The following NEDD4L variants were observed in gnomAD, a reference collection of about 807,000 sequenced individuals.
NEDD4L encodes NEDD4 like E3 ubiquitin protein ligase, also known as E3 ubiquitin-protein ligase NEDD4-like.
Under a neutral mutation model 148.9 loss-of-function variants are expected in NEDD4L, and 54 were observed. The ratio of observed to expected loss-of-function variants is 0.36; its 90% confidence interval spans 0.29 to 0.45. NEDD4L has a LOEUF of 0.45. Among genes scored for constraint, NEDD4L ranks in the 20% least tolerant of loss-of-function variants. The pLI is 1.00. For synonymous variants in NEDD4L, 433 were observed against 440.7 expected, an observed-to-expected ratio of 0.98 and a Z score of 0.22; for missense variants, 856 against 1,233.8, an observed-to-expected ratio of 0.69 and a Z score of 4.59.
intron 5 of NEDD4L, among the ~76,000 whole-genome samples, chr18:58,301,763 G>A (rs1351589875): frequency 6.6e-6 from 1 of 152,186 alleles, no homozygotes; most frequent in African/African-American, 2.4e-5. Flanking sequence ...CTTAGTTCTA[G>A]CCATTGAAAT....
intron 1 of NEDD4L, among the ~76,000 whole-genome samples, chr18:58,154,752 C>T (rs1205821127): frequency 6.6e-6 from 1 of 152,240 alleles, no homozygotes; most frequent in African/African-American, 2.4e-5. Context: ...CATGCCGTTG[C>T]ACTCCAGCCT....
At chr18:58,229,492 C>A (rs1202617754) in intron 2 of NEDD4L, among the ~76,000 whole-genome samples, 11 of 152,146 alleles carry the variant, frequency 7.2e-5, no homozygotes, top group Non-Finnish European at 1.6e-4. Flanking sequence ...TCTGTTTGTG[C>A]TAATGCTCGC....
intron 1 of NEDD4L, among the ~76,000 whole-genome samples, chr18:58,124,032 C>T (rs1358354664): frequency 6.6e-6 from 1 of 152,222 alleles, no homozygotes; most frequent in East Asian, 1.9e-4. Context: ...CCACGTCCCT[C>T]TTGGCCACTG....
intron 2 of NEDD4L, among the ~76,000 whole-genome samples, chr18:58,213,272 A>G (rs544433311): frequency 2.6e-5 from 4 of 152,346 alleles, no homozygotes; most frequent in Admixed American, 6.5e-5. Context: ...GTGCAAAGTC[A>G]TATGTATAAG....
At chr18:58,103,266 TATTATA>T (rs5825264) in intron 1 of NEDD4L, among the ~76,000 whole-genome samples, 7,471 of 141,004 alleles carry the variant, frequency 0.053, 635 homozygotes, top group African/African-American at 0.21. Context: ...ATATATTATA[TATTATA>T]ATTATATATA....
At chr18:58,254,964 G>T (rs2048335808) in intron 5 of NEDD4L, among the ~76,000 whole-genome samples, 1 of 152,186 alleles carries the variant, frequency 6.6e-6, no homozygotes, top group Non-Finnish European at 1.5e-5. Flanking sequence ...ATTCCATCCT[G>T]GTAGTGTAGT....
At chr18:58,159,114 C>T (rs762278683) in intron 1 of NEDD4L, among the ~76,000 whole-genome samples, 2 of 151,690 alleles carry the variant, frequency 1.3e-5, no homozygotes, top group Non-Finnish European at 1.5e-5. Flanking sequence ...AAAGGTGTAG[C>T]GGGAAGGCGT....
At chr18:58,269,494 A>C (rs1482679339) in intron 5 of NEDD4L, among the ~76,000 whole-genome samples, 2 of 152,072 alleles carry the variant, frequency 1.3e-5, no homozygotes, top group Non-Finnish European at 2.9e-5. Flanking sequence ...CTGTCAGTGA[A>C]CAGGTTTAAC....
chr18:58,188,109 G>A lies in NEDD4L; in HGVS notation c.122+22248G>A, dbSNP rs148668632. ...AAAGAGTCCTTCCAAGGGGATGTGC[G>A]GCCAACGCCTCTGTTCAGCGATAGT... is the stretch of plus-strand genomic sequence containing the variant. On this transcript the variant is annotated intron_variant, in intron 2 of 30. Coordinates refer to ENST00000400345, the MANE Select transcript of NEDD4L (RefSeq NM_001144967.3). Among the ~76,000 whole-genome samples the A allele has an allele frequency of 2.6e-5, 4 of 152,312 alleles. No homozygotes were observed. The East Asian group carries it at 7.7e-4, about 29-fold the overall frequency.
intron 2 of NEDD4L, among the ~76,000 whole-genome samples, chr18:58,244,518 A>G (rs2047013595): frequency 6.6e-6 from 1 of 152,244 alleles, no homozygotes; most frequent in Non-Finnish European, 1.5e-5. Flanking sequence ...CAAGGAAATA[A>G]TGATTAAAGA....
intron 19 of NEDD4L, among the ~76,000 whole-genome samples, chr18:58,361,035 G>A (rs2045402293): frequency 6.6e-6 from 1 of 152,092 alleles, no homozygotes; most frequent in Non-Finnish European, 1.5e-5. Context: ...TGGTCCGGTG[G>A]GTAGAGTTTT....
intron 5 of NEDD4L, among the ~76,000 whole-genome samples, chr18:58,254,631 T>TTG (rs2048299953): frequency 6.6e-6 from 1 of 152,116 alleles, no homozygotes; most frequent in African/African-American, 2.4e-5. Flanking sequence ...GTTTGTTTGT[T>TTG]TTTTGGTTGA....
At chr18:58,189,005 T>C (rs2039787897) in intron 2 of NEDD4L, among the ~76,000 whole-genome samples, 1 of 152,056 alleles carries the variant, frequency 6.6e-6, no homozygotes, top group Non-Finnish European at 1.5e-5. Context: ...TTTCTTCACC[T>C]GTCTCGGGGG....
intron 2 of NEDD4L, among the ~76,000 whole-genome samples, chr18:58,202,796 C>A (rs2041563634): frequency 6.6e-6 from 1 of 152,090 alleles, no homozygotes; most frequent in Non-Finnish European, 1.5e-5. Flanking sequence ...TTGACAAGTG[C>A]CCTAGCTTTA....
At chr18:58,084,012 T>C (rs1386149070) in intron 1 of NEDD4L, among the ~76,000 whole-genome samples, 1 of 152,176 alleles carries the variant, frequency 6.6e-6, no homozygotes, top group African/African-American at 2.4e-5. Context: ...ATTACAGGCG[T>C]GAGCCAGTGC....
chr18:58,185,058 C>T lies in NEDD4L; in HGVS notation c.122+19197C>T, dbSNP rs117055080. Among the ~76,000 whole-genome samples, 97 of 152,360 alleles carry T rather than the reference C, an allele frequency of 6.4e-4. No individual in the cohort carries two copies. In the East Asian group the frequency reaches 0.018, roughly 28 times the overall value. On this transcript the variant is annotated intron_variant, in intron 2 of 30. Coordinates refer to ENST00000400345, the MANE Select transcript of NEDD4L (RefSeq NM_001144967.3). Reference sequence around the variant, plus strand: ...TACAGTTTCATCAGCACCAGGCGTGCACGGCGTTAGTCATGGTCCTTGCTC... The same window carrying T: ...TACAGTTTCATCAGCACCAGGCGTGTACGGCGTTAGTCATGGTCCTTGCTC...
intron 1 of NEDD4L, chr18:58,149,678 G>T: frequency 1.4e-6 from 1 of 726,652 alleles, no homozygotes; most frequent in Non-Finnish European, 2.5e-6. Flanking sequence ...AGATGCTGGA[G>T]CTGTTAATTC....
At chr18:58,272,050 A>G (rs1459205778) in intron 5 of NEDD4L, among the ~76,000 whole-genome samples, 1 of 152,240 alleles carries the variant, frequency 6.6e-6, no homozygotes, top group Admixed American at 6.5e-5. Flanking sequence ...TTCAAAATTT[A>G]TGAAAAATAG....
intron 1 of NEDD4L, among the ~76,000 whole-genome samples, chr18:58,100,099 A>G (rs1344946930): frequency 6.6e-6 from 1 of 152,104 alleles, no homozygotes; most frequent in Non-Finnish European, 1.5e-5. Context: ...TGCTGGGATG[A>G]TGCATCCTCG....
Sources: gnomAD v4.1 joint callset for allele counts (sites outside exome capture counted in the v4.1 genomes callset) on GRCh38, gnomAD v4.1.1 for gene constraint, MANE v1.5 for transcripts, NCBI Gene and HGNC (gene_info 2026-07-23, HGNC 2026-07-21) for gene names.